PRKAG2: variants seen among roughly 807,000 people sequenced by gnomAD.
PRKAG2 encodes 5'-AMP-activated protein kinase subunit gamma-2.
Under a neutral mutation model 69.6 loss-of-function variants are expected in PRKAG2, and 26 were observed. The ratio of observed to expected loss-of-function variants is 0.37; its 90% CI spans 0.27 to 0.52. The LOEUF is 0.52. PRKAG2 is among the 20% of genes least tolerant of loss of function. The probability of loss-of-function intolerance (pLI) is 0.90; values close to 1 mark genes in which losing one functional copy is unlikely to be tolerated. For synonymous variants in PRKAG2, 293 were observed against 285.0 expected (o/e 1.03, Z -0.28); for missense variants, 557 against 740.0 (o/e 0.75, Z 2.87).
intron 4 of PRKAG2, among the ~76,000 whole-genome samples, chr7:151,652,835 G>A (rs146985189): frequency 4.6e-5 from 7 of 152,084 alleles, no homozygotes; most frequent in Non-Finnish European, 7.4e-5. Context: ...TCCAGGCTGG[G>A]CTTGAACTCC....
Position 151,807,111 on chromosome 7 carries a change from C to T in PRKAG2, c.115-20570G>A, listed in dbSNP as rs1408630254. The T allele has an allele frequency of 1.6e-5, 6 of 386,408 alleles. No homozygotes were observed. Among genetic ancestry groups the T allele is most frequent in the African/African-American group, 8.4e-5 (4 of 47,340 alleles). The allele number at this position is 386,408 out of a possible 1,614,324, so 23.9% of individuals were successfully genotyped here. A position where few individuals can be genotyped will look rare whatever the true frequency, so the allele number is the denominator to read the frequency against. ...AGAGGCTGTAAAGGGTCAGAGGGACCTTGTGGAGTGGTGGAAATGTTCCAG... is the reference window on the plus strand; with the variant it reads ...AGAGGCTGTAAAGGGTCAGAGGGACTTTGTGGAGTGGTGGAAATGTTCCAG... On this transcript the variant is annotated intron_variant, in intron 1 of 15. Transcript: ENST00000287878. This position sits in a 1 kb window ranked among gnomAD's most constrained non-coding sequence, Gnocchi z 4.4.
At chr7:151,571,289 T>C (rs1584971478) in intron 9 of PRKAG2, among the ~76,000 whole-genome samples, 1 of 152,030 alleles carries the variant, frequency 6.6e-6, no homozygotes, top group South Asian at 2.1e-4. Flanking sequence ...GCTAGGCTGG[T>C]CTCGAACTCC....
chr7:151,774,465 T>G (rs764957985), intron 3 of PRKAG2, among the ~76,000 whole-genome samples: 2 of 152,188 alleles, frequency 1.3e-5, no homozygotes, highest in East Asian at 3.8e-4. Flanking sequence ...GAAATGACAG[T>G]GATCATAATT....
At chr7:151,587,784 G>T (rs1812045278) in intron 6 of PRKAG2, among the ~76,000 whole-genome samples, 1 of 152,164 alleles carries the variant, frequency 6.6e-6, no homozygotes, top group Non-Finnish European at 1.5e-5. Flanking sequence ...ACGTGATGGG[G>T]TAACCTAGAT....
At chr7:151,821,500 G>A (rs549890286) in intron 1 of PRKAG2, among the ~76,000 whole-genome samples, 171 of 152,324 alleles carry the variant, frequency 1.1e-3, no homozygotes, top group Non-Finnish European at 1.8e-3. Flanking sequence ...TGGCACTGCT[G>A]AGCAGAAGGC....
At chr7:151,627,793 G>C (rs866000192) in intron 5 of PRKAG2, among the ~76,000 whole-genome samples, 1 of 152,104 alleles carries the variant, frequency 6.6e-6, no homozygotes, top group African/African-American at 2.4e-5. Context: ...CTCCCAAGTA[G>C]CCGGAACCAC....
chr7:151,784,038 G>A (rs1488726634), intron 2 of PRKAG2, among the ~76,000 whole-genome samples: 2 of 152,122 alleles, frequency 1.3e-5, no homozygotes, highest in Non-Finnish European at 2.9e-5. Flanking sequence ...GCACCAGGGT[G>A]GTCCTATCAC....
intron 4 of PRKAG2, among the ~76,000 whole-genome samples, chr7:151,662,412 C>A (rs1430594792): frequency 6.6e-6 from 1 of 152,144 alleles, no homozygotes; most frequent in African/African-American, 2.4e-5. Context: ...ACTGGAGAGT[C>A]CCCCTAGAGT....
Position 151,749,055 on chromosome 7 carries a change from C to T in PRKAG2, c.466+32097G>A, listed in dbSNP as rs147696101. 2.5e-3 allele frequency among the ~76,000 whole-genome samples: 367 copies of T among 147,216 alleles called. 2 individuals carry two copies. The highest frequency in any genetic ancestry group is 8.0e-3 in the African/African-American group (296 of 36,870). ...TGACGGTTTTCCTCATAGAGGCCCA[C>T]GGGCCAGATGTCTCCAGAGAGGAGA... On this transcript the variant is annotated intron_variant, in intron 3 of 15. Transcript: ENST00000287878.
chr7:151,627,508 C>T lies in PRKAG2; in HGVS notation c.754+4561G>A, dbSNP rs1823273854. On this transcript the variant is annotated intron_variant, in intron 5 of 15. Transcript: ENST00000287878. ...AGGCATGCTGGTGCATGCCTGTAAT[C>T]CTAGCTACTCAGGAGGCTGAGGCAT... Among the ~76,000 whole-genome samples, 2 of 151,934 alleles carry T rather than the reference C, an allele frequency of 1.3e-5. 1 individual carries two copies. The highest frequency in any genetic ancestry group is 4.8e-5 in the African/African-American group (2 of 41,384).
intron 1 of PRKAG2, among the ~76,000 whole-genome samples, chr7:151,831,205 C>T (rs536964009): frequency 1.3e-5 from 2 of 152,282 alleles, no homozygotes; most frequent in East Asian, 1.9e-4. Flanking sequence ...AATATAAAGT[C>T]ACAATATGAC....
At chr7:151,843,424 C>T (rs756469156) in intron 1 of PRKAG2, among the ~76,000 whole-genome samples, 5 of 152,136 alleles carry the variant, frequency 3.3e-5, no homozygotes, top group South Asian at 4.1e-4. Flanking sequence ...CACCATCACG[C>T]GGCTACAGCT....
At chr7:151,755,794 T>C (rs2075043207) in intron 3 of PRKAG2, among the ~76,000 whole-genome samples, 1 of 152,218 alleles carries the variant, frequency 6.6e-6, no homozygotes, top group South Asian at 2.1e-4. Flanking sequence ...GGCAGAGTCA[T>C]TTCCAAGGCA....
At chr7:151,751,444 A>G (rs1347874461) in intron 3 of PRKAG2, among the ~76,000 whole-genome samples, 1 of 151,732 alleles carries the variant, frequency 6.6e-6, no homozygotes, top group Non-Finnish European at 1.5e-5. Flanking sequence ...TTTTACAGCT[A>G]CATGGTACTC....
chr7:151,689,117 G>A (rs569993330), intron 3 of PRKAG2, among the ~76,000 whole-genome samples: 3 of 152,220 alleles, frequency 2.0e-5, no homozygotes, highest in Non-Finnish European at 2.9e-5. Context: ...GAGCATAGTC[G>A]TTTTTAAAAT....
At chr7:151,816,228 A>T (rs150371633) in intron 1 of PRKAG2, among the ~76,000 whole-genome samples, 2 of 152,300 alleles carry the variant, frequency 1.3e-5, no homozygotes, top group Non-Finnish European at 2.9e-5. Context: ...AGACCTGACA[A>T]ATCACAGGCC....
intron 5 of PRKAG2, among the ~76,000 whole-genome samples, chr7:151,609,403 TAGTC>T (rs1818240740): frequency 6.6e-6 from 1 of 152,224 alleles, no homozygotes; most frequent in South Asian, 2.1e-4. Flanking sequence ...AATCATTTAT[TAGTC>T]AGGCAAAAAT....
Position 151,638,749 on chromosome 7 carries a change from AAAAC to A in PRKAG2, c.685-6615_685-6612del, listed in dbSNP as rs1563321553. On this transcript the variant is annotated intron_variant, in intron 4 of 15. Transcript: ENST00000287878. This position sits in a 1 kb window ranked among gnomAD's most constrained non-coding sequence, Gnocchi z 4.3. ...AACTTCAGCCTGAAAACTTAATCATAAAACAATTGCCAAAAAAGCACTCCTTTAC... is the reference window on the plus strand; with the variant it reads ...AACTTCAGCCTGAAAACTTAATCATAAATTGCCAAAAAAGCACTCCTTTAC... 6.6e-6 allele frequency among the ~76,000 whole-genome samples: 1 copy of A among 152,204 alleles called. No homozygotes were observed. The highest frequency in any genetic ancestry group is 1.5e-5 in the Non-Finnish European group (1 of 68,028).
At chr7:151,702,392 C>T (rs1469633966) in intron 3 of PRKAG2, among the ~76,000 whole-genome samples, 4 of 152,156 alleles carry the variant, frequency 2.6e-5, no homozygotes, top group African/African-American at 9.7e-5. Flanking sequence ...ACATTCAGGC[C>T]GGAGCTTTCG....
Sources: gnomAD v4.1 joint callset for allele counts (sites outside exome capture counted in the v4.1 genomes callset) on GRCh38, gnomAD v4.1.1 for gene constraint, Gnocchi (gnomAD v3.1) non-coding constraint, MANE v1.5 for transcripts, NCBI Gene and HGNC (gene_info 2026-07-23, HGNC 2026-07-21) for gene names.